Variants in FAT4 observed in about 807,000 individuals in gnomAD.
FAT4 encodes the protein protocadherin Fat 4.
In FAT4, 84 loss-of-function variants were observed where a neutral mutation model predicts 303.9. The ratio of observed to expected loss-of-function variants is 0.28; its 90% CI spans 0.23 to 0.33. FAT4 has a LOEUF of 0.33. Among genes scored for constraint, FAT4 ranks in the 10% least tolerant of loss-of-function variants. The pLI is 1.00. For missense variants in FAT4, 6,005 were observed against 6,146.8 expected, an observed-to-expected ratio of 0.98 and a Z score of 0.77; for synonymous variants, 2,307 against 2,298.8, an observed-to-expected ratio of 1.00 and a Z score of -0.10.
intron 2 of FAT4, among the ~76,000 whole-genome samples, chr4:125,370,146 G>A (rs1261029146): frequency 1.3e-5 from 2 of 151,692 alleles, no homozygotes; most frequent in African/African-American, 2.4e-5. Flanking sequence ...ACTAGGCTTT[G>A]TTCTGCCACA....
chr4:125,457,867 A>G (rs1726338841), intron 10 of FAT4, among the ~76,000 whole-genome samples: 1 of 152,072 alleles, frequency 6.6e-6, no homozygotes, highest in Non-Finnish European at 1.5e-5. Context: ...CGACACATGT[A>G]GTATTTATTT....
Position 125,321,123 on chromosome 4 carries a change from A to G in FAT4, c.4712A>G (p.Asp1571Gly), listed in dbSNP as rs544851884. The change falls in exon 2 of 18, where the codon GAC (aspartate) becomes GGC (glycine). Residue 1571 changes from aspartate to glycine, a missense_variant. Physicochemically the swap from Asp to Gly is moderately conservative, Grantham distance 94. Coordinates refer to ENST00000394329, the MANE Select transcript of FAT4 (RefSeq NM_001291303.3). ...GEIEYEIINGDTDTFIVDRYS... is the reference protein window; with the variant it reads ...GEIEYEIINGGTDTFIVDRYS... ...ATAGAGTATGAGATCATCAATGGGGACACAGACACCTTCATTGTTGATCGT... is the reference window on the plus strand; with the variant it reads ...ATAGAGTATGAGATCATCAATGGGGGCACAGACACCTTCATTGTTGATCGT... 6.2e-7 allele frequency: 1 copy of G among 1,614,184 alleles called. No individual in the cohort carries two copies. The highest frequency in any genetic ancestry group is 1.3e-5 in the African/African-American group (1 of 75,044).
chr4:125,367,911 C>T (rs554608910), intron 2 of FAT4, among the ~76,000 whole-genome samples: 1 of 152,076 alleles, frequency 6.6e-6, no homozygotes, highest in South Asian at 2.1e-4. Flanking sequence ...TCTACTCTGA[C>T]TCAGGTAGGT....
rs188089069 is a variant in FAT4 at position 125,423,796 on chromosome 4, A to G, written c.7018+7174A>G. 1.7e-3 allele frequency among the ~76,000 whole-genome samples: 259 copies of G among 152,320 alleles called. 1 individual carries two copies. The highest frequency in any genetic ancestry group is 5.7e-3 in the African/African-American group (237 of 41,592). On this transcript the variant is annotated intron_variant, in intron 7 of 17. Transcript: ENST00000394329. Reference sequence around the variant, plus strand: ...GAGCTGCCCAAGACCATGGGAGCCCATGTCTTGCATCAGCATGCCCTGGAT... The same window carrying G: ...GAGCTGCCCAAGACCATGGGAGCCCGTGTCTTGCATCAGCATGCCCTGGAT...
intron 11 of FAT4, 36 bp from the exon 12 acceptor site, chr4:125,468,476 A>G: frequency 7.3e-7 from 1 of 1,376,462 alleles, no homozygotes; most frequent in Non-Finnish European, 9.5e-7. Context: ...ATTTTCATGA[A>G]ATTTTATGCC....
chr4:125,490,655 A>G lies in FAT4; in HGVS notation c.13839A>G (p.Ala4613=), dbSNP rs763777296. The change falls in exon 18 of 18, where the codon GCA becomes GCG. Residue 4613 remains alanine (A), a synonymous_variant. Transcript: ENST00000394329. ...AAACCATCCCCAGCGCCCCTTTGGC[A>G]TCTCCAGAGCAGGAGATAGAGCACT... ...NSETIPSAPL[A]SPEQEIEHYD... 7.4e-6 allele frequency: 12 copies of G among 1,614,182 alleles called. No homozygotes were observed. Among genetic ancestry groups the G allele is most frequent in the Non-Finnish European group, 1.0e-5 (12 of 1,180,036 alleles).
Position 125,449,224 on chromosome 4 carries a change from A to G in FAT4, c.8214A>G (p.Val2738=), listed in dbSNP as rs772966185. ...TTAGACCTTTGGACAGGGAAAAAGT[A>G]TCTCATTATGTCCTAACCATAAAAT... ...RSVRPLDREK[V]SHYVLTIKSS... Residue 2738 remains valine (V), a synonymous_variant, in exon 10 of 18, where the codon GTA becomes GTG. Coordinates refer to ENST00000394329, the MANE Select transcript of FAT4 (RefSeq NM_001291303.3). 6.8e-6 allele frequency: 11 copies of G among 1,613,850 alleles called. No homozygotes were observed. The highest frequency in any genetic ancestry group is 6.7e-5 in the Admixed American group (4 of 59,976).
Position 125,449,428 on chromosome 4 carries a change from T to A in FAT4, c.8418T>A (p.Asn2806Lys). 1 of 1,613,846 alleles carries A rather than the reference T, an allele frequency of 6.2e-7. No homozygotes were observed. The highest frequency in any genetic ancestry group is 1.7e-5 in the Admixed American group (1 of 59,986). The change falls in exon 10 of 18, where the codon AAT becomes AAA. Residue 2806 changes from asparagine to lysine, a missense_variant. Transcript: ENST00000394329. Reference protein sequence around the residue: ...VTTSDEDIGINAISRYSIMDA... With the variant: ...VTTSDEDIGIKAISRYSIMDA... ...CTTCTGATGAAGACATTGGGATCAA[T>A]GCAATTAGTAGATATTCTATAATGG...
intron 3 of FAT4, among the ~76,000 whole-genome samples, chr4:125,401,960 T>A (rs1483419896): frequency 6.6e-6 from 1 of 151,960 alleles, no homozygotes; most frequent in Non-Finnish European, 1.5e-5. Context: ...AACATGATAT[T>A]TGTTTCTTGT....
At chr4:125,469,476 A>G (rs66743492) in intron 12 of FAT4, among the ~76,000 whole-genome samples, 52,874 of 152,066 alleles carry the variant, frequency 0.35, 9,594 homozygotes, top group East Asian at 0.58. Context: ...AATTGTTTCA[A>G]ACTTGAAGTC....
chr4:125,322,985 A>G (rs1731014902), intron 2 of FAT4, among the ~76,000 whole-genome samples: 1 of 152,082 alleles, frequency 6.6e-6, no homozygotes, highest in African/African-American at 2.4e-5. Flanking sequence ...AGCTCAGGCC[A>G]TGATTTATAT....
chr4:125,485,180 CTT>C (rs1000425161), intron 16 of FAT4, among the ~76,000 whole-genome samples: 8 of 152,024 alleles, frequency 5.3e-5, no homozygotes, highest in Non-Finnish European at 1.0e-4. Flanking sequence ...CTTCTGCAGA[CTT>C]TATAAACACT....
At chr4:125,428,421 A>G (rs1180286903) in intron 7 of FAT4, among the ~76,000 whole-genome samples, 1 of 152,258 alleles carries the variant, frequency 6.6e-6, no homozygotes, top group African/African-American at 2.4e-5. Flanking sequence ...TTAAGAGTAT[A>G]AAATGTGACT....
chr4:125,415,668 C>G lies in FAT4; in HGVS notation c.6705C>G (p.Gly2235=), dbSNP rs1427946426. 1.2e-6 allele frequency: 2 copies of G among 1,613,892 alleles called. No homozygotes were observed. Among genetic ancestry groups the G allele is most frequent in the African/African-American group, 1.3e-5 (1 of 74,896 alleles). Residue 2235 remains glycine (G), a synonymous_variant, in exon 6 of 18, where the codon GGC becomes GGG. Coordinates refer to ENST00000394329, the MANE Select transcript of FAT4 (RefSeq NM_001291303.3). ...TAACTGTTCAGGCAACAGATCGAGG[C>G]AGCACACCCAGAACTGATACCTCCA... is the stretch of plus-strand genomic sequence containing the variant. The part of the protein sequence containing the change: ...YHLTVQATDR[G]STPRTDTSTV...
intron 17 of FAT4, 85 bp from the exon 18 acceptor site, chr4:125,489,816 T>C (rs950549375): frequency 1.9e-4 from 223 of 1,171,656 alleles, no homozygotes; most frequent in Non-Finnish European, 2.3e-4. Context: ...GGAGCTTCTC[T>C]TTACAAGAAC....
intron 10 of FAT4, among the ~76,000 whole-genome samples, chr4:125,458,806 G>A (rs1726383402): frequency 6.6e-6 from 1 of 151,716 alleles, no homozygotes; most frequent in African/African-American, 2.4e-5. Flanking sequence ...TGTTGCTTTT[G>A]TTACTGGCAG....
At chr4:125,422,729 G>A (rs576079102) in intron 7 of FAT4, among the ~76,000 whole-genome samples, 63 of 152,256 alleles carry the variant, frequency 4.1e-4, no homozygotes, top group African/African-American at 1.5e-3. Flanking sequence ...AGAGAGTAGG[G>A]CACTGCTGTA....
chr4:125,479,070 G>C (rs561627076), intron 14 of FAT4, among the ~76,000 whole-genome samples: 1 of 152,040 alleles, frequency 6.6e-6, no homozygotes, highest in African/African-American at 2.4e-5. Flanking sequence ...TCACTTCAAG[G>C]CTTTCTCACT....
intron 2 of FAT4, among the ~76,000 whole-genome samples, chr4:125,333,585 A>C (rs1731467318): frequency 6.6e-6 from 1 of 152,176 alleles, no homozygotes; most frequent in Non-Finnish European, 1.5e-5. Flanking sequence ...GTTTTTTCAC[A>C]TTAGCATATC....
Sources: gnomAD v4.1 joint callset for allele counts (sites outside exome capture counted in the v4.1 genomes callset) on GRCh38, gnomAD v4.1.1 for gene constraint, MANE v1.5 for transcripts, NCBI Gene and HGNC (gene_info 2026-07-23, HGNC 2026-07-21) for gene names.